Variants in SMCR8 observed in about 807,000 individuals in gnomAD.
SMCR8 encodes guanine nucleotide exchange protein SMCR8.
Under a neutral mutation model 56.6 loss-of-function variants are expected in SMCR8, and 30 were observed. The observed-to-expected ratio is 0.53, with a 90% confidence interval of 0.40 to 0.72. The LOEUF is 0.72. Among genes scored for constraint, SMCR8 ranks in the 30% least tolerant of loss-of-function variants. The probability of loss-of-function intolerance (pLI) is 0.00; values close to 1 mark genes in which losing one functional copy is unlikely to be tolerated. For synonymous variants in SMCR8, 538 were observed against 456.0 expected (o/e 1.18, Z -2.29); for missense variants, 1,198 against 1,157.0 (o/e 1.04, Z -0.51).
At position 18,317,866 on chromosome 17, in the gene SMCR8, T is replaced by A; in HGVS notation, c.2077T>A (p.Tyr693Asn). 1 of 1,614,124 alleles carries A rather than the reference T, an allele frequency of 6.2e-7. No individual in the cohort carries two copies. The change falls in exon 1 of 2, where the codon TAT becomes AAT. Residue 693 changes from tyrosine (Y) to asparagine (N), a missense_variant. Physicochemically the swap from Tyr to Asn is moderately radical, Grantham distance 143 (BLOSUM62 -2). Transcript: ENST00000406438. ...CAGCTCAGACAGGATCCCCTCTGCT[T>A]ATCCTGCTGGCCTGTCTTCCGATAG... ...STSSDRIPSA[Y>N]PAGLSSDRHK...
In SMCR8 at chr17:18,323,160, CTGTTTAAGTT is replaced by C; in HGVS notation, c.*92_*101del. The C allele has an allele frequency of 6.8e-6, 8 of 1,170,508 alleles. No individual in the cohort carries two copies. The highest frequency in any genetic ancestry group is 9.7e-6 in the Non-Finnish European group (8 of 823,942). The allele number at this position is 1,170,508 out of a possible 1,614,324, so 72.5% of individuals were successfully genotyped here. A position where few individuals can be genotyped will look rare whatever the true frequency, so the allele number is the denominator to read the frequency against. On this transcript the variant is annotated 3_prime_UTR_variant, in exon 2 of 2. Transcript: ENST00000406438. ...TGACCAAACAGTTGCCTGAGCTGGACTGTTTAAGTTTCTGGTGTCTGGCAGCATGGTTCCC... is the reference window on the plus strand; with the variant it reads ...TGACCAAACAGTTGCCTGAGCTGGACTCTGGTGTCTGGCAGCATGGTTCCC...
At chr17:18,322,532 G>A (rs1982528273) in intron 1 of SMCR8, 85 bp from the exon 2 acceptor site, 1 of 1,246,838 alleles carries the variant, frequency 8.0e-7, no homozygotes. Context: ...TGCTGGCCTG[G>A]GGACAGGAGG....
rs564540679 is a variant in SMCR8 at position 18,317,397 on chromosome 17, C to T, written c.1608C>T (p.Ser536=). Residue 536 remains serine (S), a synonymous_variant, in exon 1 of 2, where the codon AGC becomes AGT. Coordinates refer to ENST00000406438, the MANE Select transcript of SMCR8 (RefSeq NM_144775.3). ...EALIPDDFKA[S]YPSAINEEES... ...TCATCCCTGATGACTTTAAGGCCAG[C>T]TACCCAAGTGCCATTAATGAAGAAG... 1.1e-3 allele frequency: 1,749 copies of T among 1,614,134 alleles called. 41 individuals are homozygous for T. In the South Asian group the frequency reaches 0.019, roughly 17 times the overall value.
intron 1 of SMCR8, 142 bp downstream of exon 1, chr17:18,318,291 C>G: frequency 2.5e-6 from 2 of 801,164 alleles, no homozygotes; most frequent in Non-Finnish European, 3.9e-6. Context: ...AGTCATCCCC[C>G]TCTCTGGTTT....
Position 18,322,992 on chromosome 17 carries a change from C to T in SMCR8, c.2736C>T (p.His912=), listed in dbSNP as rs767803739. ...ACCTGGCTGAGCTGCTGAAGCTGCA[C>T]TACATGCAGGAATCTCCAGGGACCA... ...VQYLAELLKL[H]YMQESPGTSH... is the part of the protein sequence containing the mutation. The change falls in exon 2 of 2, where the codon CAC becomes CAT. Residue 912 remains histidine (H), a synonymous_variant. Transcript: ENST00000406438. 2 of 1,614,230 alleles carry T rather than the reference C, an allele frequency of 1.2e-6. No homozygotes were observed. Among genetic ancestry groups the T allele is most frequent in the East Asian group, 4.5e-5 (2 of 44,888 alleles).
chr17:18,322,661 G>A lies in SMCR8; in HGVS notation c.2405G>A (p.Arg802His), dbSNP rs762560195. Reference sequence around the variant, plus strand: ...GCCGGTACCCTCCATGCCCTGAGCCGCTACAGCCGCTACACGAGCATCCTG... The same window carrying A: ...GCCGGTACCCTCCATGCCCTGAGCCACTACAGCCGCTACACGAGCATCCTG... ...AGAGTLHALS[R>H]YSRYTSILDL... The change falls in exon 2 of 2, where the codon CGC (arginine) becomes CAC (histidine). Residue 802 changes from arginine (R) to histidine (H), a missense_variant. Physicochemically the swap from Arg to His is conservative, Grantham distance 29. Transcript: ENST00000406438. 5.0e-5 allele frequency: 80 copies of A among 1,613,960 alleles called. No homozygotes were observed. Among genetic ancestry groups the A allele is most frequent in the African/African-American group, 9.3e-5 (7 of 74,930 alleles).
Position 18,316,136 on chromosome 17 carries a change from A to G in SMCR8, c.347A>G (p.Asn116Ser). The G allele has an allele frequency of 6.2e-7, 1 of 1,614,122 alleles. No homozygotes were observed. Among genetic ancestry groups the G allele is most frequent in the Non-Finnish European group, 8.5e-7 (1 of 1,180,016 alleles). ...HPPGSAYPKL[N>S]FVEDSKVVLG... Reference sequence around the variant, plus strand: ...CCTGGATCTGCCTACCCCAAGCTGAACTTCGTGGAGGACTCCAAGGTGGTG... The same window carrying G: ...CCTGGATCTGCCTACCCCAAGCTGAGCTTCGTGGAGGACTCCAAGGTGGTG... The change falls in exon 1 of 2, where the codon AAC becomes AGC. Residue 116 changes from asparagine to serine, a missense_variant. Physicochemically the swap from Asn to Ser is conservative, Grantham distance 46. Transcript: ENST00000406438.
Position 18,315,782 on chromosome 17 carries a change from C to G in SMCR8, c.-8C>G. On this transcript the variant is annotated 5_prime_UTR_variant, in exon 1 of 2. The change creates a new upstream start codon in the 5' untranslated region. Coordinates refer to ENST00000406438, the MANE Select transcript of SMCR8 (RefSeq NM_144775.3). ...TCCTCTCAATGTTTTCTTCATATATCTGGAAATATGATCAGCGCCCCTGAC... is the reference window on the plus strand; with the variant it reads ...TCCTCTCAATGTTTTCTTCATATATGTGGAAATATGATCAGCGCCCCTGAC... The G allele has an allele frequency of 6.4e-7, 1 of 1,571,770 alleles. No individual in the cohort carries two copies. The highest frequency in any genetic ancestry group is 1.2e-5 in the South Asian group (1 of 86,840).
In SMCR8 at chr17:18,318,016, G is replaced by A. The variant is rs374766808; in HGVS notation, c.2227G>A (p.Val743Ile). ...LVVLGEDEAI[V>I]RKLVTALAIF... ...GGTCCTGGGGGAAGATGAGGCCATA[G>A]TCAGGAAACTCGTGACTGCACTGGC... Residue 743 changes from valine to isoleucine, a missense_variant, in exon 1 of 2, where the codon GTC (valine) becomes ATC (isoleucine). Physicochemically the swap from Val to Ile is conservative, Grantham distance 29. Coordinates refer to ENST00000406438, the MANE Select transcript of SMCR8 (RefSeq NM_144775.3). The A allele has an allele frequency of 6.2e-7, 1 of 1,614,134 alleles. No individual in the cohort carries two copies. Among genetic ancestry groups the A allele is most frequent in the African/African-American group, 1.3e-5 (1 of 74,954 alleles).
rs1453291127 is a variant in SMCR8 at position 18,322,763 on chromosome 17, A to C, written c.2507A>C (p.Gln836Pro). The change falls in exon 2 of 2, where the codon CAG becomes CCG. Residue 836 changes from glutamine (Q) to proline (P), a missense_variant. By Grantham distance (76) the Gln-to-Pro change is moderately conservative. Transcript: ENST00000406438. Reference sequence around the variant, plus strand: ...CCCCGCCTGGCAGACCACCGCACACAGATCAAGCGGGGCAGCACCTACTAC... The same window carrying C: ...CCCCGCCTGGCAGACCACCGCACACCGATCAAGCGGGGCAGCACCTACTAC... ...LVPRLADHRT[Q>P]IKRGSTYYLH... The C allele has an allele frequency of 6.2e-7, 1 of 1,614,178 alleles. No individual in the cohort carries two copies. Among genetic ancestry groups the C allele is most frequent in the East Asian group, 2.2e-5 (1 of 44,884 alleles).
At position 18,317,262 on chromosome 17, in the gene SMCR8, A is replaced by C. The variant is rs765589198; in HGVS notation, c.1473A>C (p.Ala491=). The change falls in exon 1 of 2, where the codon GCA becomes GCC. Residue 491 remains alanine (A), a synonymous_variant. Coordinates refer to ENST00000406438, the MANE Select transcript of SMCR8 (RefSeq NM_144775.3). ...TSVLSKSDSQ[A]SLTVPLSPQV... Reference sequence around the variant, plus strand: ...TGCTTTCTAAATCTGACAGCCAGGCAAGCCTCACAGTACCATTGAGCCCCC... The same window carrying C: ...TGCTTTCTAAATCTGACAGCCAGGCCAGCCTCACAGTACCATTGAGCCCCC... The C allele has an allele frequency of 6.2e-7, 1 of 1,614,134 alleles. No individual in the cohort carries two copies. Among genetic ancestry groups the C allele is most frequent in the Non-Finnish European group, 8.5e-7 (1 of 1,180,038 alleles).
In SMCR8 at chr17:18,315,508, T is replaced by G. The variant is rs755616617; in HGVS notation, c.-282T>G. 3.6e-4 allele frequency: 142 copies of G among 393,234 alleles called. No individual in the cohort carries two copies. The highest frequency in any genetic ancestry group is 6.1e-4 in the South Asian group (15 of 24,460). The allele number at this position is 393,234 out of a possible 1,614,324, so 24.4% of individuals were successfully genotyped here. A position where few individuals can be genotyped will look rare whatever the true frequency, so the allele number is the denominator to read the frequency against. On this transcript the variant is annotated 5_prime_UTR_variant, in exon 1 of 2. Transcript: ENST00000406438. ...AGGTGATTTCGCAGCAGGTTTCTTG[T>G]GCTGGCCGCGCTCGCCGGACGAAGA...
chr17:18,327,847 A>G lies in SMCR8; in HGVS notation c.*4777A>G, dbSNP rs771994574. The G allele has an allele frequency of 2.6e-5, 4 of 152,642 alleles. No homozygotes were observed. Among genetic ancestry groups the G allele is most frequent in the Non-Finnish European group, 4.4e-5 (3 of 68,042 alleles). The allele number at this position is 152,642 out of a possible 1,614,324, so 9.5% of individuals were successfully genotyped here. On this transcript the variant is annotated 3_prime_UTR_variant, in exon 2 of 2. Coordinates refer to ENST00000406438, the MANE Select transcript of SMCR8 (RefSeq NM_144775.3). ...GCTGCACAAGAGTTAACCAGAGTCA[A>G]TGCCAAACACATAGTATGAGAAGTG...
Position 18,316,067 on chromosome 17 carries a change from G to C in SMCR8, c.278G>C (p.Arg93Pro). 1 of 1,614,068 alleles carries C rather than the reference G, an allele frequency of 6.2e-7. No homozygotes were observed. The highest frequency in any genetic ancestry group is 8.5e-7 in the Non-Finnish European group (1 of 1,180,032). The change falls in exon 1 of 2, where the codon CGT becomes CCT. Residue 93 changes from arginine (R) to proline (P), a missense_variant. Transcript: ENST00000406438. ...GTFDLNYFSLRIMSVDYQASF... is the reference protein window; with the variant it reads ...GTFDLNYFSLPIMSVDYQASF... Reference sequence around the variant, plus strand: ...TTTGATCTCAATTACTTCTCCCTGCGTATCATGTCTGTGGATTACCAGGCT... The same window carrying C: ...TTTGATCTCAATTACTTCTCCCTGCCTATCATGTCTGTGGATTACCAGGCT...
chr17:18,317,972 T>G lies in SMCR8; in HGVS notation c.2183T>G (p.Leu728Arg). Reference protein sequence around the residue: ...PFAHPAIYSLLSGRTLVVLGE... With the variant: ...PFAHPAIYSLRSGRTLVVLGE... ...GCCCACCCAGCCATCTACTCCCTGCTCAGTGGGAGGACACTTGTGGTCCTG... is the reference window on the plus strand; with the variant it reads ...GCCCACCCAGCCATCTACTCCCTGCGCAGTGGGAGGACACTTGTGGTCCTG... Residue 728 changes from leucine (L) to arginine (R), a missense_variant, in exon 1 of 2, where the codon CTC becomes CGC. By Grantham distance (102) the Leu-to-Arg change is moderately radical. Coordinates refer to ENST00000406438, the MANE Select transcript of SMCR8 (RefSeq NM_144775.3). 6.2e-7 allele frequency: 1 copy of G among 1,614,234 alleles called. No individual in the cohort carries two copies.
At position 18,316,743 on chromosome 17, in the gene SMCR8, G is replaced by T. The variant is rs1390379332; in HGVS notation, c.954G>T (p.Lys318Asn). The T allele has an allele frequency of 1.2e-6, 2 of 1,614,200 alleles. No homozygotes were observed. Among genetic ancestry groups the T allele is most frequent in the East Asian group, 4.5e-5 (2 of 44,888 alleles). ...AGTCCACCAAGTGTTTTGACAAGAA[G>T]TTGAAGACCTTGGAGGAGCTCTGTG... ...KAKSTKCFDK[K>N]LKTLEELCDT... The change falls in exon 1 of 2, where the codon AAG becomes AAT. Residue 318 changes from lysine to asparagine, a missense_variant. Transcript: ENST00000406438.
In SMCR8 at chr17:18,315,899, T is replaced by A. The variant is rs1350647498; in HGVS notation, c.110T>A (p.Phe37Tyr). The A allele has an allele frequency of 1.9e-6, 3 of 1,614,166 alleles. No individual in the cohort carries two copies. The highest frequency in any genetic ancestry group is 1.7e-6 in the Non-Finnish European group (2 of 1,180,010). ...GAGTACTCGGTGCCGCTCTTCCCCTTCGCCAGTCAGGGTGCTAACCCCTGG... is the reference window on the plus strand; with the variant it reads ...GAGTACTCGGTGCCGCTCTTCCCCTACGCCAGTCAGGGTGCTAACCCCTGG... Reference protein sequence around the residue: ...PEEYSVPLFPFASQGANPWSK... With the variant: ...PEEYSVPLFPYASQGANPWSK... The change falls in exon 1 of 2, where the codon TTC becomes TAC. Residue 37 changes from phenylalanine (F) to tyrosine (Y), a missense_variant. Transcript: ENST00000406438.
rs1982739914 is a variant in SMCR8, at chr17:18,327,916, A to T, written c.*4846A>T. On this transcript the variant is annotated 3_prime_UTR_variant, in exon 2 of 2. Transcript: ENST00000406438. ...TTTATTTGAGTTCAAATATTTTTGA[A>T]ATATAAAAATTGGTTGTATTTTTTA... 6.6e-6 allele frequency: 1 copy of T among 152,642 alleles called. No individual in the cohort carries two copies. Among genetic ancestry groups the T allele is most frequent in the South Asian group, 2.1e-4 (1 of 4,834 alleles). The allele number at this position is 152,642 out of a possible 1,614,324, so 9.5% of individuals were successfully genotyped here. A position where few individuals can be genotyped will look rare whatever the true frequency, so the allele number is the denominator to read the frequency against.
At position 18,316,435 on chromosome 17, in the gene SMCR8, CAGAAGAA is replaced by C; in HGVS notation, c.649_655del (p.Lys217ProfsTer32). The C allele has an allele frequency of 6.2e-7, 1 of 1,614,102 alleles. No individual in the cohort carries two copies. The highest frequency in any genetic ancestry group is 8.5e-7 in the Non-Finnish European group (1 of 1,180,040). ...AGTGCTACACACAGAAACGGAGATC[CAGAAGAA>C]AGCCAACGACAAAGGCTTTTACTCA... On this transcript the variant is annotated frameshift_variant, in exon 1 of 2. Coordinates refer to ENST00000406438, the MANE Select transcript of SMCR8 (RefSeq NM_144775.3). LOFTEE classifies it high-confidence loss of function.
Sources: gnomAD v4.1 joint callset for allele counts on GRCh38, gnomAD v4.1.1 for gene constraint, MANE v1.5 for transcripts, NCBI Gene and HGNC (gene_info 2026-07-23, HGNC 2026-07-21) for gene names.